The following FBXL17 variants were observed in gnomAD, a reference collection of about 807,000 sequenced individuals.
The protein encoded by FBXL17 is F-box and leucine rich repeat protein 17, also known as F-box/LRR-repeat protein 17.
Under a neutral mutation model 66.2 loss-of-function variants are expected in FBXL17, and 22 were observed. That is an observed-to-expected ratio of 0.33 (90% CI 0.24 to 0.47). The LOEUF (loss-of-function observed/expected upper bound fraction) is 0.47. FBXL17 is among the 20% of genes least tolerant of loss of function. The pLI, the probability that FBXL17 is intolerant of heterozygous loss-of-function variation, is 1.00. For missense variants in FBXL17, 878 were observed against 948.2 expected (o/e 0.93, Z 0.97); for synonymous variants, 474 against 400.5 (o/e 1.18, Z -2.19).
intron 7 of FBXL17, among the ~76,000 whole-genome samples, chr5:107,979,615 G>T (rs2112666549): frequency 6.6e-6 from 1 of 152,312 alleles, no homozygotes; most frequent in Non-Finnish European, 1.5e-5. Flanking sequence ...TCTCTCACAA[G>T]CCCCCTCTGG....
intron 6 of FBXL17, among the ~76,000 whole-genome samples, chr5:108,166,424 T>A (rs897858298): frequency 2.6e-5 from 4 of 152,202 alleles, no homozygotes; most frequent in African/African-American, 9.6e-5. Context: ...TTTTAACATA[T>A]CTCATAGACG....
chr5:107,919,399 G>A (rs1750238467), intron 7 of FBXL17, among the ~76,000 whole-genome samples: 1 of 152,048 alleles, frequency 6.6e-6, no homozygotes, highest in African/African-American at 2.4e-5. Context: ...CCTCTCCTTT[G>A]TCTCCAGAAG....
chr5:108,163,346 C>CACGAAAAT (rs1752284582), intron 6 of FBXL17, among the ~76,000 whole-genome samples: 1 of 151,122 alleles, frequency 6.6e-6, no homozygotes. Context: ...CTGACAAATA[C>CACGAAAAT]ACGAAAATGG....
intron 4 of FBXL17, among the ~76,000 whole-genome samples, chr5:108,255,460 T>C (rs1756536198): frequency 6.6e-6 from 1 of 152,188 alleles, no homozygotes; most frequent in Admixed American, 6.5e-5. Flanking sequence ...GAAGAACAGA[T>C]AGCAGGCTTT....
intron 4 of FBXL17, among the ~76,000 whole-genome samples, chr5:108,243,176 C>T (rs1755938134): frequency 6.6e-6 from 1 of 152,144 alleles, no homozygotes; most frequent in South Asian, 2.1e-4. Flanking sequence ...AAGAGAAAGA[C>T]ATTGGTCTAC....
chr5:108,172,395 C>T (rs1180673622), intron 6 of FBXL17, among the ~76,000 whole-genome samples: 1 of 152,162 alleles, frequency 6.6e-6, no homozygotes, highest in Non-Finnish European at 1.5e-5. Context: ...CAAAAGACTC[C>T]ACCTTTTGAT....
At chr5:108,272,064 G>T (rs999157095) in intron 4 of FBXL17, among the ~76,000 whole-genome samples, 4 of 152,152 alleles carry the variant, frequency 2.6e-5, no homozygotes, top group Admixed American at 6.5e-5. Flanking sequence ...GCCGAGATGG[G>T]AGGATCACGA....
At chr5:108,040,227 T>C (rs2112801487) in intron 6 of FBXL17, among the ~76,000 whole-genome samples, 1 of 152,278 alleles carries the variant, frequency 6.6e-6, no homozygotes, top group Non-Finnish European at 1.5e-5. Context: ...TACAAACAGC[T>C]TACTTGTGAA....
chr5:107,861,138 C>T lies in FBXL17; in HGVS notation c.*582G>A, dbSNP rs150249233. The T allele has an allele frequency of 7.2e-5, 11 of 152,258 alleles. No individual in the cohort carries two copies. The South Asian group carries it at 1.4e-3, about 20-fold the overall frequency. 9.4% of individuals were successfully genotyped at this position (152,258 alleles called of 1,614,324 possible). ...CCCACCAGATAGCAAGTTGGCCACC[C>T]GAGGATACACGGAGTTAGGCAGTGC... On this transcript the variant is annotated 3_prime_UTR_variant, in exon 9 of 9. Transcript: ENST00000542267.
At chr5:107,902,190 C>T (rs138100079) in intron 7 of FBXL17, among the ~76,000 whole-genome samples, 106 of 152,242 alleles carry the variant, frequency 7.0e-4, no homozygotes, top group African/African-American at 2.5e-3. Context: ...GTATTTCTCT[C>T]TCTTCCCTTG....
Position 108,044,783 on chromosome 5 carries a change from A to AT in FBXL17, c.1746-23783dup, listed in dbSNP as rs199681423. 4.1e-4 allele frequency among the ~76,000 whole-genome samples: 61 copies of AT among 149,670 alleles called. 1 individual carries two copies. In the South Asian group the frequency reaches 5.5e-3, roughly 14 times the overall value. On this transcript the variant is annotated intron_variant, in intron 6 of 8. Transcript: ENST00000542267. ...TGGACCTGGAGATTTATTTTGGGGG[A>AT]TTTTTTTTTTAAATTATCGATGCAA...
At chr5:108,014,023 C>CTA (rs760114643) in intron 7 of FBXL17, among the ~76,000 whole-genome samples, 3 of 151,950 alleles carry the variant, frequency 2.0e-5, no homozygotes, top group Non-Finnish European at 4.4e-5. Context: ...AATAATAATT[C>CTA]TATATATATA....
At position 107,959,686 on chromosome 5, in the gene FBXL17, G is replaced by C. The variant is rs149951791; in HGVS notation, c.1822+61239C>G. On this transcript the variant is annotated intron_variant, in intron 7 of 8. Coordinates refer to ENST00000542267, the MANE Select transcript of FBXL17 (RefSeq NM_001163315.3). ...ATGGTTCTTATAATATGGGGACTAAGTGTGACATTTGTTACTAAAAACATT... is the reference window on the plus strand; with the variant it reads ...ATGGTTCTTATAATATGGGGACTAACTGTGACATTTGTTACTAAAAACATT... 1.6e-4 allele frequency among the ~76,000 whole-genome samples: 24 copies of C among 152,256 alleles called. No individual in the cohort carries two copies. The East Asian group carries it at 4.6e-3, about 29-fold the overall frequency.
chr5:108,089,379 C>A (rs1580426480), intron 6 of FBXL17, among the ~76,000 whole-genome samples: 1 of 152,212 alleles, frequency 6.6e-6, no homozygotes, highest in Non-Finnish European at 1.5e-5. Flanking sequence ...TACCTGGCCA[C>A]AGGAGCTGAT....
At chr5:108,203,307 G>C (rs1239255702) in intron 5 of FBXL17, among the ~76,000 whole-genome samples, 5 of 152,006 alleles carry the variant, frequency 3.3e-5, no homozygotes, top group Non-Finnish European at 7.4e-5. Context: ...CTGAGGCAGA[G>C]AGATTAGGTG....
intron 6 of FBXL17, among the ~76,000 whole-genome samples, chr5:108,132,756 C>CA (rs1561426199): frequency 1.3e-5 from 2 of 152,080 alleles, no homozygotes; most frequent in Non-Finnish European, 2.9e-5. Context: ...GATGGTCTTA[C>CA]CATACAAAGA....
chr5:108,232,801 AT>A (rs200066761), intron 4 of FBXL17, among the ~76,000 whole-genome samples: 4,551 of 131,830 alleles, frequency 0.035, 535 homozygotes, highest in African/African-American at 0.12. Flanking sequence ...ATATATATAT[AT>A]ATAATATATA....
At chr5:107,983,017 T>C (rs1259068349) in intron 7 of FBXL17, among the ~76,000 whole-genome samples, 2 of 152,174 alleles carry the variant, frequency 1.3e-5, no homozygotes, top group East Asian at 1.9e-4. Flanking sequence ...TTCCTTTTTT[T>C]TTCCCTGGTT....
chr5:108,354,072 T>C (rs775379594), intron 3 of FBXL17, among the ~76,000 whole-genome samples: 2 of 152,176 alleles, frequency 1.3e-5, no homozygotes, highest in Non-Finnish European at 2.9e-5. Context: ...TTCCTTTGAG[T>C]ATCCTGTCAG....
Sources: gnomAD v4.1 joint callset for allele counts (sites outside exome capture counted in the v4.1 genomes callset) on GRCh38, gnomAD v4.1.1 for gene constraint, MANE v1.5 for transcripts, NCBI Gene and HGNC (gene_info 2026-07-23, HGNC 2026-07-21) for gene names.